GCNT2: variants seen among roughly 807,000 people sequenced by gnomAD.
GCNT2 encodes the protein glucosaminyl (N-acetyl) transferase 2 (I blood group).
GCNT2 carries 34 observed loss-of-function variants against 34.2 expected under a neutral mutation model. The ratio of observed to expected loss-of-function variants is 1.00; its 90% CI spans 0.76 to 1.32. The LOEUF is 1.32. GCNT2 is among the 40% of genes most tolerant of loss of function. GCNT2 has a pLI of 0.00. For missense variants in GCNT2, 584 were observed against 489.4 expected (o/e 1.19, Z -1.82); for synonymous variants, 212 against 188.0 (o/e 1.13, Z -1.04).
At chr6:10,586,680 T>C in intron 3 of GCNT2, 1 of 1,614,128 alleles carries the variant, frequency 6.2e-7, no homozygotes, top group Non-Finnish European at 8.5e-7. Context: ...GCGAACTAAA[T>C]ATGTCCACCA....
chr6:10,526,682 C>T (rs1472663480), intron 1 of GCNT2, among the ~76,000 whole-genome samples: 2 of 152,098 alleles, frequency 1.3e-5, no homozygotes, highest in East Asian at 1.9e-4. Context: ...AGATTACAGG[C>T]GTGAGCCACT....
At chr6:10,558,470 T>C (rs986083171) in intron 3 of GCNT2, among the ~76,000 whole-genome samples, 4 of 152,228 alleles carry the variant, frequency 2.6e-5, no homozygotes, top group Admixed American at 2.0e-4. Context: ...CAGAAACTCC[T>C]TGCTTTCTCA....
intron 3 of GCNT2, among the ~76,000 whole-genome samples, chr6:10,609,537 G>T (rs1765461989): frequency 6.6e-6 from 1 of 152,156 alleles, no homozygotes; most frequent in Non-Finnish European, 1.5e-5. Flanking sequence ...AATTTTGGGG[G>T]ACACATTCAA....
intron 3 of GCNT2, among the ~76,000 whole-genome samples, chr6:10,543,097 G>A (rs570174560): frequency 2.6e-5 from 4 of 151,002 alleles, no homozygotes; most frequent in East Asian, 3.9e-4. Context: ...TAGTAGAGAC[G>A]GGGTTTCACC....
intron 1 of GCNT2, among the ~76,000 whole-genome samples, chr6:10,524,762 G>A (rs544388218): frequency 1.3e-5 from 2 of 152,088 alleles, no homozygotes; most frequent in African/African-American, 4.8e-5. Flanking sequence ...CTGGGAGGCC[G>A]AGGTTGCAAT....
chr6:10,606,743 A>G (rs1289764501), intron 3 of GCNT2, among the ~76,000 whole-genome samples: 1 of 90,894 alleles, frequency 1.1e-5, no homozygotes, highest in Non-Finnish European at 2.1e-5. Context: ...TTTTAAAAAT[A>G]AAATGCAGAA....
At chr6:10,543,618 A>G (rs748976447) in intron 3 of GCNT2, among the ~76,000 whole-genome samples, 11 of 152,098 alleles carry the variant, frequency 7.2e-5, no homozygotes, top group African/African-American at 2.2e-4. Flanking sequence ...GTTATTGTCT[A>G]TCTTTTTTAG....
intron 3 of GCNT2, among the ~76,000 whole-genome samples, chr6:10,617,426 G>A (rs1465630907): frequency 6.6e-6 from 1 of 152,226 alleles, no homozygotes; most frequent in East Asian, 1.9e-4. Flanking sequence ...AGCTGAGGGA[G>A]CTGGCTCTGG....
chr6:10,526,732 T>C (rs1015622476), intron 1 of GCNT2, among the ~76,000 whole-genome samples: 1 of 152,182 alleles, frequency 6.6e-6, no homozygotes, highest in Non-Finnish European at 1.5e-5. Flanking sequence ...AATAAGAATG[T>C]GTATTTCCTA....
intron 3 of GCNT2, chr6:10,586,848 C>A (rs931774089): frequency 5.6e-6 from 9 of 1,613,246 alleles, no homozygotes; most frequent in Non-Finnish European, 7.6e-6. Flanking sequence ...CATTGATCTA[C>A]TACAATGGTC....
chr6:10,533,105 A>C (rs1001154071), intron 3 of GCNT2, among the ~76,000 whole-genome samples: 2 of 150,752 alleles, frequency 1.3e-5, no homozygotes, highest in Non-Finnish European at 3.0e-5. Context: ...TCAGGAGTTC[A>C]AGACCAGCCT....
At chr6:10,542,161 G>A (rs547069413) in intron 3 of GCNT2, among the ~76,000 whole-genome samples, 1 of 152,042 alleles carries the variant, frequency 6.6e-6, no homozygotes, top group Non-Finnish European at 1.5e-5. Context: ...TATCCAACAG[G>A]TTTCTACCGT....
chr6:10,579,879 A>G (rs1168957247), intron 3 of GCNT2, among the ~76,000 whole-genome samples: 2 of 151,966 alleles, frequency 1.3e-5, no homozygotes, highest in Non-Finnish European at 2.9e-5. Context: ...GAGCTGTATA[A>G]ATGCCGGTAT....
rs564955004 is a variant in GCNT2 at position 10,523,859 on chromosome 6, G to A, written c.-469+2442G>A. Among the ~76,000 whole-genome samples the A allele has an allele frequency of 7.3e-5, 11 of 151,202 alleles. No individual in the cohort carries two copies. In the South Asian group the frequency reaches 2.3e-3, roughly 32 times the overall value. ...TTGGTGGTGGGCGCCTGTAGTCCCA[G>A]CTACTCGGGAGGCTGAGGCAGGAGA... On this transcript the variant is annotated intron_variant, in intron 1 of 4. Coordinates refer to ENST00000495262, the MANE Select transcript of GCNT2 (RefSeq NM_145649.5).
intron 3 of GCNT2, among the ~76,000 whole-genome samples, chr6:10,532,274 T>G (rs945112440): frequency 1.3e-5 from 2 of 152,136 alleles, no homozygotes; most frequent in African/African-American, 4.8e-5. Flanking sequence ...TGGAGCTGGA[T>G]TTTTACACCC....
intron 3 of GCNT2, among the ~76,000 whole-genome samples, chr6:10,550,339 C>CT (rs1561792799): frequency 4.0e-5 from 6 of 151,320 alleles, no homozygotes; most frequent in African/African-American, 1.2e-4. Flanking sequence ...TCCGGCCTAA[C>CT]ATTTTTTTTT....
intron 3 of GCNT2, among the ~76,000 whole-genome samples, chr6:10,547,693 A>G (rs1032426841): frequency 6.6e-5 from 10 of 152,314 alleles, no homozygotes; most frequent in African/African-American, 2.2e-4. Context: ...TTTGCCATTC[A>G]TTGGATCTTG....
intron 3 of GCNT2, among the ~76,000 whole-genome samples, chr6:10,582,730 T>C (rs1764179105): frequency 6.7e-6 from 1 of 150,066 alleles, no homozygotes; most frequent in Non-Finnish European, 1.5e-5. Context: ...GCTTTTTTTT[T>C]CCATTACTAA....
At chr6:10,570,693 C>T (rs2127395878) in intron 3 of GCNT2, among the ~76,000 whole-genome samples, 1 of 152,268 alleles carries the variant, frequency 6.6e-6, no homozygotes, top group East Asian at 1.9e-4. Context: ...CTTTGGGGGG[C>T]CTACTGAAAA....
Sources: allele counts gnomAD v4.1 joint callset (sites outside exome capture counted in the v4.1 genomes callset), GRCh38; gene constraint gnomAD v4.1.1; transcripts MANE v1.5; gene names NCBI Gene and HGNC (gene_info 2026-07-23, HGNC 2026-07-21).